The following UST variants were observed in gnomAD, a reference collection of about 807,000 sequenced individuals.
The protein encoded by UST is chondroitin sulfate 2-O-sulfotransferase.
UST carries 21 observed loss-of-function variants against 45.6 expected under a neutral mutation model. The ratio of observed to expected loss-of-function variants is 0.46; its 90% CI spans 0.33 to 0.66. The LOEUF is 0.66. Ranked by LOEUF, UST falls within the 30% of genes least tolerant of loss-of-function variation. UST has a pLI of 0.02. For missense variants in UST, 463 were observed against 512.4 expected, an observed-to-expected ratio of 0.90 and a Z score of 0.93; for synonymous variants, 215 against 200.6, an observed-to-expected ratio of 1.07 and a Z score of -0.61.
At chr6:148,820,968 C>CTTTTTT (rs71007920) in intron 1 of UST, among the ~76,000 whole-genome samples, 1 of 91,190 alleles carries the variant, frequency 1.1e-5, no homozygotes, top group Non-Finnish European at 2.0e-5. Flanking sequence ...TTTTTAATTC[C>CTTTTTT]TTTTTTTTTT....
In UST at chr6:149,035,224, CCTTT is replaced by C. The variant is rs370130328; in HGVS notation, c.937+13751_937+13754del. Among the ~76,000 whole-genome samples, 410 of 152,104 alleles carry C rather than the reference CCTTT, an allele frequency of 2.7e-3. 2 individuals carry two copies. Among genetic ancestry groups the C allele is most frequent in the African/African-American group, 9.4e-3 (392 of 41,486 alleles). ...CTCTGTTGAATCTTCTCTTTTTCAGCCTTTCTTTCTTCTTTTTATATAACATCTT... is the reference window on the plus strand; with the variant it reads ...CTCTGTTGAATCTTCTCTTTTTCAGCCTTTCTTCTTTTTATATAACATCTT... On this transcript the variant is annotated intron_variant, in intron 7 of 7. Transcript: ENST00000367463.
chr6:148,773,343 C>T (rs1776468688), intron 1 of UST, among the ~76,000 whole-genome samples: 1 of 151,978 alleles, frequency 6.6e-6, no homozygotes, highest in Non-Finnish European at 1.5e-5. Flanking sequence ...TGCCTTTAAT[C>T]CCAGCTACTC....
At chr6:148,829,922 A>G (rs924659872) in intron 1 of UST, among the ~76,000 whole-genome samples, 24 of 152,348 alleles carry the variant, frequency 1.6e-4, no homozygotes, top group Admixed American at 1.4e-3. Context: ...GTGCAAGAAC[A>G]TCCTGGGGTT....
chr6:148,995,269 C>T (rs1458393050), intron 5 of UST, among the ~76,000 whole-genome samples: 5 of 152,130 alleles, frequency 3.3e-5, no homozygotes, highest in East Asian at 1.9e-4. Context: ...GTGATCCGCC[C>T]GCCTCGGCCT....
At chr6:148,949,923 A>C (rs995591270) in intron 3 of UST, among the ~76,000 whole-genome samples, 7 of 152,080 alleles carry the variant, frequency 4.6e-5, no homozygotes, top group African/African-American at 1.4e-4. Flanking sequence ...TTCCCCCCTT[A>C]TCTGCAGCCA....
chr6:148,762,535 CT>C lies in UST; in HGVS notation c.247+14874del, dbSNP rs373630504. On this transcript the variant is annotated intron_variant, in intron 1 of 7. Transcript: ENST00000367463. Reference sequence around the variant, plus strand: ...ATTTGGTTGCTGGGCAGGCTTCTATCTTTTTTTTTTTTTTTTAATAGATGCA... The same window carrying C: ...ATTTGGTTGCTGGGCAGGCTTCTATCTTTTTTTTTTTTTTTAATAGATGCA... 8.6e-3 allele frequency among the ~76,000 whole-genome samples: 1,155 copies of C among 133,592 alleles called. 3 individuals carry two copies. Among genetic ancestry groups the C allele is most frequent in the African/African-American group, 0.011 (387 of 36,214 alleles). 87.6% of individuals were successfully genotyped at this position (133,592 alleles called of 152,430 possible). A position where few individuals can be genotyped will look rare whatever the true frequency, so the allele number is the denominator to read the frequency against.
At chr6:148,954,856 A>G (rs1008678674) in intron 4 of UST, among the ~76,000 whole-genome samples, 2 of 152,154 alleles carry the variant, frequency 1.3e-5, no homozygotes, top group African/African-American at 2.4e-5. Flanking sequence ...TAGATTCCCT[A>G]TTTGTTAAAT....
chr6:149,029,483 T>C (rs1015054232), intron 7 of UST, among the ~76,000 whole-genome samples: 4 of 145,612 alleles, frequency 2.7e-5, no homozygotes, highest in Non-Finnish European at 6.0e-5. Flanking sequence ...ATAATGTATA[T>C]ATAATATATA....
intron 1 of UST, among the ~76,000 whole-genome samples, chr6:148,849,922 A>G (rs1401147910): frequency 3.3e-5 from 5 of 152,190 alleles, no homozygotes; most frequent in African/African-American, 1.2e-4. Flanking sequence ...GTATAACTAT[A>G]GTTATATAGT....
chr6:148,988,725 G>T (rs968889950), intron 5 of UST, among the ~76,000 whole-genome samples: 1 of 152,118 alleles, frequency 6.6e-6, no homozygotes, highest in African/African-American at 2.4e-5. Context: ...CCTACAACAT[G>T]TAATACTGTC....
At chr6:148,877,860 A>G (rs1778720978) in intron 1 of UST, among the ~76,000 whole-genome samples, 2 of 101,922 alleles carry the variant, frequency 2.0e-5, no homozygotes, top group South Asian at 3.7e-4. Context: ...GAGTGCGGGG[A>G]TCATGTACGA....
At chr6:148,945,179 T>C (rs902136905) in intron 3 of UST, among the ~76,000 whole-genome samples, 3 of 152,256 alleles carry the variant, frequency 2.0e-5, no homozygotes, top group African/African-American at 7.2e-5. Flanking sequence ...TTTTTCTTCA[T>C]TGTTTCATTG....
chr6:148,753,789 C>T (rs955351660), intron 1 of UST, among the ~76,000 whole-genome samples: 2 of 152,162 alleles, frequency 1.3e-5, no homozygotes, highest in African/African-American at 2.4e-5. Flanking sequence ...TTACATCCCC[C>T]GCCAAGAAAG....
intron 1 of UST, among the ~76,000 whole-genome samples, chr6:148,855,959 A>G (rs1344737455): frequency 1.3e-5 from 2 of 152,172 alleles, no homozygotes; most frequent in Non-Finnish European, 2.9e-5. Flanking sequence ...TTGGTGATCA[A>G]TTCTAACTTT....
At chr6:148,948,551 A>G (rs951000675) in intron 3 of UST, among the ~76,000 whole-genome samples, 1 of 152,188 alleles carries the variant, frequency 6.6e-6, no homozygotes. Flanking sequence ...TTACATAGTT[A>G]TCTTTTTTAG....
intron 1 of UST, among the ~76,000 whole-genome samples, chr6:148,868,187 G>A (rs1778481573): frequency 6.6e-6 from 1 of 152,156 alleles, no homozygotes; most frequent in Non-Finnish European, 1.5e-5. Context: ...TTTTTAGTAA[G>A]GATAGACTCA....
intron 1 of UST, among the ~76,000 whole-genome samples, chr6:148,754,152 G>A (rs532607657): frequency 1.3e-5 from 2 of 152,078 alleles, no homozygotes; most frequent in South Asian, 4.1e-4. Context: ...CCGCCACCAT[G>A]CCTGGCTAAT....
At chr6:148,787,661 T>C (rs2114698161) in intron 1 of UST, among the ~76,000 whole-genome samples, 1 of 152,360 alleles carries the variant, frequency 6.6e-6, no homozygotes, top group Non-Finnish European at 1.5e-5. Context: ...AGGATTGCCT[T>C]GGCTATTCAG....
At chr6:149,011,787 G>A (rs112300832) in intron 5 of UST, among the ~76,000 whole-genome samples, 3,019 of 152,286 alleles carry the variant, frequency 0.02, 85 homozygotes, top group African/African-American at 0.068. Flanking sequence ...ACTCCAGCCT[G>A]GGCGACAGAG....
Sources: allele counts gnomAD v4.1 joint callset (sites outside exome capture counted in the v4.1 genomes callset), GRCh38; gene constraint gnomAD v4.1.1; transcripts MANE v1.5; gene names NCBI Gene and HGNC (gene_info 2026-07-23, HGNC 2026-07-21).